The following LRP4 variants were observed in gnomAD, a reference collection of about 807,000 sequenced individuals.
LRP4 encodes the protein LDL receptor related protein 4.
In LRP4, 95 loss-of-function variants were observed where a neutral mutation model predicts 220.3. The observed-to-expected ratio is 0.43, with a 90% CI of 0.37 to 0.51. LRP4 has a LOEUF of 0.51. Ranked by LOEUF, LRP4 falls within the 20% of genes least tolerant of loss-of-function variation. LRP4 has a pLI of 0.00. For synonymous variants in LRP4, 903 were observed against 954.6 expected, an observed-to-expected ratio of 0.95 and a Z score of 1.00; for missense variants, 1,925 against 2,567.0, an observed-to-expected ratio of 0.75 and a Z score of 5.40.
chr11:46,915,900 C>T (rs868596357), intron 1 of LRP4, among the ~76,000 whole-genome samples: 28 of 152,132 alleles, frequency 1.8e-4, no homozygotes, highest in Non-Finnish European at 1.2e-4. Flanking sequence ...CTGCTGTCTC[C>T]CTGAGCCCCT....
intron 22 of LRP4, among the ~76,000 whole-genome samples, chr11:46,878,248 T>C (rs1169451862): frequency 1.3e-5 from 2 of 150,722 alleles, no homozygotes; most frequent in Admixed American, 1.3e-4. Flanking sequence ...GTTTTTATTA[T>C]ACCAATTTTG....
chr11:46,917,599 C>G (rs1414359201), intron 1 of LRP4, among the ~76,000 whole-genome samples: 1 of 152,182 alleles, frequency 6.6e-6, no homozygotes, highest in Non-Finnish European at 1.5e-5. Flanking sequence ...GCCCCCCTAC[C>G]CCAGCCAGGG....
At chr11:46,867,237 G>A (rs1453198774) in intron 34 of LRP4, among the ~76,000 whole-genome samples, 1 of 151,982 alleles carries the variant, frequency 6.6e-6, no homozygotes, top group Admixed American at 6.6e-5. Context: ...TGTGTTGCGG[G>A]GGGGTGCACA....
intron 1 of LRP4, among the ~76,000 whole-genome samples, chr11:46,913,139 C>A (rs1245958197): frequency 2.0e-5 from 3 of 152,048 alleles, no homozygotes; most frequent in African/African-American, 7.2e-5. Context: ...TGTCAGGGAG[C>A]GCTAACAGCC....
rs188898341 is a variant in LRP4, at chr11:46,899,065, C to T, written c.548-33G>A. On this transcript the variant is annotated intron_variant, in intron 5 of 37. Coordinates refer to ENST00000378623, the MANE Select transcript of LRP4 (RefSeq NM_002334.4). This position sits in a 1 kb window ranked among gnomAD's most constrained non-coding sequence, Gnocchi z 5.9. ...GAAGGCAGGGGTGGGGAGGGGCACA[C>T]ACTCAGGCCTGGATGAAGGAGAGGG... The T allele has an allele frequency of 4.9e-5, 78 of 1,600,634 alleles. No individual in the cohort carries two copies. In the African/African-American group the frequency reaches 8.5e-4, roughly 18 times the overall value.
chr11:46,888,590 C>T (rs1255206774), intron 16 of LRP4, among the ~76,000 whole-genome samples: 2 of 101,220 alleles, frequency 2.0e-5, no homozygotes, highest in South Asian at 7.8e-4. Context: ...AAGGGGAAAA[C>T]TCAGAGAATG....
intron 19 of LRP4, among the ~76,000 whole-genome samples, chr11:46,883,296 G>A (rs1941204646): frequency 6.6e-6 from 1 of 152,240 alleles, no homozygotes; most frequent in Non-Finnish European, 1.5e-5. Context: ...GCAGCACTGT[G>A]ACATGTTCAT....
intron 22 of LRP4, 116 bp downstream of exon 22, chr11:46,878,791 G>A: frequency 6.8e-7 from 1 of 1,471,024 alleles, no homozygotes; most frequent in Non-Finnish European, 9.5e-7. Flanking sequence ...TGGGCCTCTA[G>A]AAGCAGCAGG....
At chr11:46,865,434 C>G (rs1333359009) in intron 34 of LRP4, among the ~76,000 whole-genome samples, 1 of 152,100 alleles carries the variant, frequency 6.6e-6, no homozygotes, top group East Asian at 1.9e-4. Context: ...AAATGAGAAG[C>G]AGGTTTGGGA....
intron 19 of LRP4, among the ~76,000 whole-genome samples, chr11:46,882,450 C>A (rs1340566838): frequency 1.3e-5 from 2 of 151,492 alleles, no homozygotes; most frequent in African/African-American, 4.9e-5. Context: ...GCACTCCAGC[C>A]TGGGCAACAA....
At chr11:46,898,468 G>T in intron 7 of LRP4, 90 bp downstream of exon 7, 1 of 1,575,336 alleles carries the variant, frequency 6.3e-7, no homozygotes, top group Non-Finnish European at 8.7e-7. Context: ...TTATAAGCAT[G>T]AGCCACCGCG....
chr11:46,899,048 G>A lies in LRP4; in HGVS notation c.548-16C>T. The A allele has an allele frequency of 6.2e-7, 1 of 1,607,672 alleles. No individual in the cohort carries two copies. The highest frequency in any genetic ancestry group is 8.5e-7 in the Non-Finnish European group (1 of 1,175,994). On this transcript the variant is annotated splice_polypyrimidine_tract_variant and intron_variant, in intron 5 of 37. Transcript: ENST00000378623. This position sits in a 1 kb window ranked among gnomAD's most constrained non-coding sequence, Gnocchi z 5.9. The stretch of plus-strand genomic sequence containing the variant: ...ACTGCTGAGGCTGGAGGGAAGGCAG[G>A]GGTGGGGAGGGGCACACACTCAGGC...
Position 46,868,591 on chromosome 11 carries a change from C to A in LRP4, c.4951+9G>T. 1 of 1,602,016 alleles carries A rather than the reference C, an allele frequency of 6.2e-7. No individual in the cohort carries two copies. Among genetic ancestry groups the A allele is most frequent in the South Asian group, 1.1e-5 (1 of 90,810 alleles). On this transcript the variant is annotated intron_variant, in intron 33 of 37. Transcript: ENST00000378623. Reference sequence around the variant, plus strand: ...TGCCGAGTGGCTCCAGCCATACAGTCCAACTCACCAAGGGAGCAGGGCCGG... The same window carrying A: ...TGCCGAGTGGCTCCAGCCATACAGTACAACTCACCAAGGGAGCAGGGCCGG...
chr11:46,877,428 C>T (rs1941049062), intron 22 of LRP4, 89 bp from the exon 23 acceptor site: 3 of 1,345,524 alleles, frequency 2.2e-6, no homozygotes, highest in Admixed American at 3.4e-5. Context: ...ATGCCCTGTC[C>T]CTGCTAGTTT....
At chr11:46,880,590 TC>T (rs1454514779) in intron 20 of LRP4, among the ~76,000 whole-genome samples, 2 of 152,156 alleles carry the variant, frequency 1.3e-5, no homozygotes, top group Non-Finnish European at 2.9e-5. Context: ...GGCACTACAC[TC>T]CTGCCTGGGC....
intron 1 of LRP4, among the ~76,000 whole-genome samples, chr11:46,909,322 A>T (rs1457808054): frequency 6.6e-6 from 1 of 151,524 alleles, no homozygotes; most frequent in Non-Finnish European, 1.5e-5. Flanking sequence ...AAAAGGAGGA[A>T]TCGGCCGGGC....
Position 46,875,497 on chromosome 11 carries a change from C to T in LRP4, c.3884G>A (p.Gly1295Asp). The change falls in exon 27 of 38, where the codon GGC becomes GAC. Residue 1295 changes from glycine to aspartate, a missense_variant. Gly to Asp is a moderately conservative substitution (Grantham distance 94). This residue lies in a region of LRP4 where 1,244 missense variants were observed against 1,624.9 expected (regional missense o/e 0.77). Coordinates refer to ENST00000378623, the MANE Select transcript of LRP4 (RefSeq NM_002334.4). This position sits in a 1 kb window ranked among gnomAD's most constrained non-coding sequence, Gnocchi z 4.5. ...GTCCACAGCCTGCATGTCCATGAGGCCTGGCAGGTTGGACCTCACGAGGAT... is the reference window on the plus strand; with the variant it reads ...GTCCACAGCCTGCATGTCCATGAGGTCTGGCAGGTTGGACCTCACGAGGAT... The part of the protein sequence containing the change: ...NVILVRSNLP[G>D]LMDMQAVDRA... 6.2e-7 allele frequency: 1 copy of T among 1,614,180 alleles called. No individual in the cohort carries two copies. The highest frequency in any genetic ancestry group is 8.5e-7 in the Non-Finnish European group (1 of 1,180,032).
At chr11:46,896,717 G>A in intron 8 of LRP4, 152 bp downstream of exon 8, 1 of 1,096,836 alleles carries the variant, frequency 9.1e-7, no homozygotes, top group Non-Finnish European at 1.4e-6. Context: ...CTGATACTGT[G>A]CTCCAGGCCA....
At chr11:46,867,161 A>G (rs1463893445) in intron 34 of LRP4, among the ~76,000 whole-genome samples, 2 of 152,110 alleles carry the variant, frequency 1.3e-5, no homozygotes, top group Non-Finnish European at 2.9e-5. Context: ...AAGATACTTT[A>G]TACTTGATTT....
Sources: allele counts gnomAD v4.1 joint callset (sites outside exome capture counted in the v4.1 genomes callset), GRCh38; gene constraint gnomAD v4.1.1; regional missense constraint gnomAD v4.1.1; non-coding constraint Gnocchi (gnomAD v3.1); transcripts MANE v1.5; gene names NCBI Gene and HGNC (gene_info 2026-07-23, HGNC 2026-07-21).